SMYD3: variants seen among roughly 807,000 people sequenced by gnomAD.
SMYD3 encodes SET and MYND domain containing 3, also known as histone-lysine N-methyltransferase SMYD3.
In SMYD3, 36 loss-of-function variants were observed where a neutral mutation model predicts 57.7. The ratio of observed to expected loss-of-function variants is 0.62; its 90% CI spans 0.48 to 0.82. The LOEUF is 0.82. Among genes scored for constraint, SMYD3 ranks in the 40% least tolerant of loss-of-function variants. SMYD3 has a pLI of 0.00. For missense variants in SMYD3, 515 were observed against 538.8 expected, an observed-to-expected ratio of 0.96 and a Z score of 0.44; for synonymous variants, 211 against 195.0, an observed-to-expected ratio of 1.08 and a Z score of -0.68.
chr1:246,126,355 AGAC>A (rs560056422), intron 5 of SMYD3, among the ~76,000 whole-genome samples: 19 of 152,362 alleles, frequency 1.2e-4, no homozygotes, highest in African/African-American at 3.8e-4. Context: ...ATGTTCCACC[AGAC>A]TTGCCGGTAG....
intron 8 of SMYD3, among the ~76,000 whole-genome samples, chr1:245,868,781 T>C (rs1469585862): frequency 6.6e-6 from 1 of 152,186 alleles, no homozygotes; most frequent in African/African-American, 2.4e-5. Context: ...CAACTTCCCC[T>C]GACCCTACCC....
intron 5 of SMYD3, among the ~76,000 whole-genome samples, chr1:246,264,083 T>C (rs1042741306): frequency 6.6e-6 from 1 of 152,196 alleles, no homozygotes; most frequent in East Asian, 1.9e-4. Flanking sequence ...GTAACCTACA[T>C]ATAAATAGAA....
intron 9 of SMYD3, among the ~76,000 whole-genome samples, chr1:245,862,165 C>T (rs2051585793): frequency 6.6e-6 from 1 of 152,150 alleles, no homozygotes; most frequent in African/African-American, 2.4e-5. Context: ...TTCAGTTCCA[C>T]CCCTCAAAAC....
At chr1:246,061,730 T>A (rs575027465) in intron 5 of SMYD3, among the ~76,000 whole-genome samples, 3 of 152,102 alleles carry the variant, frequency 2.0e-5, no homozygotes, top group African/African-American at 7.2e-5. Flanking sequence ...GTCTCAAAAA[T>A]AAAATAATTT....
intron 5 of SMYD3, among the ~76,000 whole-genome samples, chr1:246,099,389 T>C (rs574420977): frequency 1.3e-5 from 2 of 152,214 alleles, no homozygotes; most frequent in South Asian, 4.2e-4. Context: ...AACTATGTCC[T>C]CAATAGGCAA....
At chr1:245,978,406 C>T (rs1401675907) in intron 5 of SMYD3, among the ~76,000 whole-genome samples, 1 of 152,090 alleles carries the variant, frequency 6.6e-6, no homozygotes, top group Non-Finnish European at 1.5e-5. Context: ...ACTAAGAGTT[C>T]CCACAAAAAA....
At position 245,793,308 on chromosome 1, in the gene SMYD3, A is replaced by G. The variant is rs537521483; in HGVS notation, c.1077-29159T>C. 2.0e-5 allele frequency among the ~76,000 whole-genome samples: 3 copies of G among 152,128 alleles called. No individual in the cohort carries two copies. In the South Asian group the frequency reaches 6.2e-4, roughly 32 times the overall value. Reference sequence around the variant, plus strand: ...TGGGCGAGACTCCGTCCCAAAAAAAAAAACAACAAAAAAAGAAATATCTTC... The same window carrying G: ...TGGGCGAGACTCCGTCCCAAAAAAAGAAACAACAAAAAAAGAAATATCTTC... On this transcript the variant is annotated intron_variant, in intron 10 of 11. Transcript: ENST00000490107.
intron 11 of SMYD3, among the ~76,000 whole-genome samples, chr1:245,760,978 T>C (rs1397977934): frequency 6.6e-6 from 1 of 152,160 alleles, no homozygotes; most frequent in Non-Finnish European, 1.5e-5. Context: ...CTTTTACAAA[T>C]GAAATTATAT....
chr1:246,467,177 A>AGAAG, intron 1 of SMYD3, among the ~76,000 whole-genome samples: 1 of 152,156 alleles, frequency 6.6e-6, no homozygotes, highest in Non-Finnish European at 1.5e-5. Flanking sequence ...CTCAAAAAAA[A>AGAAG]TAAATAAATA....
chr1:246,477,784 G>A (rs145983293), intron 1 of SMYD3, among the ~76,000 whole-genome samples: 174 of 152,202 alleles, frequency 1.1e-3, no homozygotes, highest in African/African-American at 3.9e-3. Flanking sequence ...AGCCATATAC[G>A]GCCTGTGGAG....
intron 5 of SMYD3, among the ~76,000 whole-genome samples, chr1:246,142,050 C>A (rs900727296): frequency 5.3e-5 from 8 of 152,152 alleles, no homozygotes; most frequent in African/African-American, 1.9e-4. Context: ...CCTCAGTATA[C>A]CACATTCTTT....
intron 1 of SMYD3, among the ~76,000 whole-genome samples, chr1:246,491,545 A>C (rs148875124): frequency 1.1e-5 from 1 of 93,186 alleles, no homozygotes; most frequent in South Asian, 3.2e-4. Context: ...CGTCTCAAAT[A>C]AAAAAAAAAA....
chr1:245,981,145 C>A (rs958866659), intron 5 of SMYD3, among the ~76,000 whole-genome samples: 4 of 152,176 alleles, frequency 2.6e-5, no homozygotes, highest in African/African-American at 9.7e-5. Flanking sequence ...GATGACCTAC[C>A]TGATTTATAG....
chr1:245,915,668 T>C, intron 7 of SMYD3, 28 bp from the exon 8 acceptor site: 8 of 1,370,082 alleles, frequency 5.8e-6, no homozygotes, highest in Non-Finnish European at 8.3e-6. Context: ...AGGGAAGCGC[T>C]GAAACATCTG....
intron 10 of SMYD3, among the ~76,000 whole-genome samples, chr1:245,825,529 T>C (rs1213988858): frequency 1.3e-5 from 2 of 152,120 alleles, no homozygotes; most frequent in African/African-American, 4.8e-5. Context: ...GTCTTCAGGC[T>C]GGAAGGGGCT....
intron 5 of SMYD3, among the ~76,000 whole-genome samples, chr1:246,172,672 A>G (rs1160095456): frequency 7.3e-6 from 1 of 137,314 alleles, no homozygotes; most frequent in African/African-American, 2.8e-5. Flanking sequence ...TATCAACACT[A>G]CACACTTAGG....
chr1:245,783,404 A>G (rs2148147997), intron 10 of SMYD3, among the ~76,000 whole-genome samples: 1 of 152,326 alleles, frequency 6.6e-6, no homozygotes, highest in East Asian at 1.9e-4. Flanking sequence ...GGGAATCCAA[A>G]GAGCACTAAG....
chr1:246,466,593 G>T (rs1281131024), intron 1 of SMYD3, among the ~76,000 whole-genome samples: 2 of 152,152 alleles, frequency 1.3e-5, no homozygotes, highest in East Asian at 3.9e-4. Flanking sequence ...TTAATATGTG[G>T]ATGACAAAAT....
In SMYD3 at chr1:245,764,133, T is replaced by C; in HGVS notation, c.1093A>G (p.Ser365Gly). 1 of 1,613,790 alleles carries C rather than the reference T, an allele frequency of 6.2e-7. No homozygotes were observed. The highest frequency in any genetic ancestry group is 8.5e-7 in the Non-Finnish European group (1 of 1,179,808). Residue 365 changes from serine (S) to glycine (G), a missense_variant, in exon 11 of 12, where the codon AGC (serine) becomes GGC (glycine). By Grantham distance (56) the Ser-to-Gly change is moderately conservative (BLOSUM62 0). Coordinates refer to ENST00000490107, the MANE Select transcript of SMYD3 (RefSeq NM_001167740.2). The part of the protein sequence containing the change: ...MEPYRIFFPG[S>G]HPVRGVQVMK... ...ACTTGAACCCCTCTGACGGGATGGC[T>C]TCCTGGGAAAAAAATCCTGGAAGAA...
Sources: gnomAD v4.1 joint callset for allele counts (sites outside exome capture counted in the v4.1 genomes callset) on GRCh38, gnomAD v4.1.1 for gene constraint, MANE v1.5 for transcripts, NCBI Gene and HGNC (gene_info 2026-07-23, HGNC 2026-07-21) for gene names.